NAV1: variants seen among roughly 807,000 people sequenced by gnomAD.
The protein encoded by NAV1 is neuron navigator 1, also known as pore membrane and/or filament interacting like protein 3.
In NAV1, 18 loss-of-function variants were observed where a neutral mutation model predicts 175.2. The observed-to-expected ratio is 0.10, with a 90% confidence interval of 0.07 to 0.15. The LOEUF is 0.15. NAV1 is among the 10% of genes least tolerant of loss of function. The pLI is 1.00. For synonymous variants in NAV1, 897 were observed against 978.7 expected (o/e 0.92, Z 1.56); for missense variants, 1,731 against 2,436.6 (o/e 0.71, Z 6.10).
rs191474333 is a variant in NAV1, at chr1:201,589,793, G to T, written c.-33+1144G>T. Among the ~76,000 whole-genome samples the T allele has an allele frequency of 5.9e-5, 9 of 152,250 alleles. No individual in the cohort carries two copies. The East Asian group carries it at 1.7e-3, about 29-fold the overall frequency. On this transcript the variant is annotated intron_variant, in intron 2 of 33. Transcript: ENST00000685211. ...AGGCGTGAGCCACCGTGCCCGGCCT[G>T]TTATTTGTTATTGTCTGAGCACATA...
At chr1:201,767,191 C>G (rs1048622316) in intron 3 of NAV1, among the ~76,000 whole-genome samples, 4 of 151,812 alleles carry the variant, frequency 2.6e-5, no homozygotes, top group Admixed American at 1.3e-4. Flanking sequence ...TGGTGGCTCA[C>G]GCCTGTAATC....
intron 1 of NAV1, among the ~76,000 whole-genome samples, chr1:201,569,254 C>G (rs992794395): frequency 2.6e-5 from 4 of 152,294 alleles, no homozygotes; most frequent in Middle Eastern, 3.4e-3. Context: ...CAGCTTCACT[C>G]CAGTGCAAGT....
At chr1:201,624,661 A>T (rs60007040) in intron 1 of NAV1, among the ~76,000 whole-genome samples, 22,842 of 151,802 alleles carry the variant, frequency 0.15, 3,102 homozygotes, top group African/African-American at 0.36. Flanking sequence ...TGCTTTTTTT[A>T]AAAAATAAAA....
At chr1:201,544,310 A>T (rs1217816167) in intron 1 of NAV1, among the ~76,000 whole-genome samples, 3 of 152,240 alleles carry the variant, frequency 2.0e-5, no homozygotes, top group Non-Finnish European at 4.4e-5. Flanking sequence ...GACTGGTCAC[A>T]GCTTTCAATG....
At position 201,812,360 on chromosome 1, in the gene NAV1, G is replaced by A. The variant is rs1188431225; in HGVS notation, c.5025-105G>A. On this transcript the variant is annotated intron_variant, in intron 26 of 29. Transcript: ENST00000367296. The surrounding 1 kb of genome is among the most constrained non-coding windows in gnomAD (Gnocchi z 4.6). ...TATTACTTGAAAAGAAACCAAGTAG[G>A]CATTAGTGAGAAGCAGGCAGAAGGA... is the stretch of plus-strand genomic sequence containing the variant. The A allele has an allele frequency of 3.6e-6, 4 of 1,115,868 alleles. No homozygotes were observed. The Admixed American group carries it at 7.7e-5, about 21-fold the overall frequency. 69.1% of individuals were successfully genotyped at this position (1,115,868 alleles called of 1,614,324 possible).
intron 2 of NAV1, among the ~76,000 whole-genome samples, chr1:201,617,661 G>A (rs572123271): frequency 6.6e-6 from 1 of 152,286 alleles, no homozygotes; most frequent in Non-Finnish European, 1.5e-5. Flanking sequence ...CTGGGAGATT[G>A]AGTCTGCAGT....
At chr1:201,714,237 T>C (rs1672039119) in intron 2 of NAV1, among the ~76,000 whole-genome samples, 1 of 152,162 alleles carries the variant, frequency 6.6e-6, no homozygotes, top group Non-Finnish European at 1.5e-5. Flanking sequence ...GTCACCCCGG[T>C]GCATTGTGGG....
chr1:201,623,669 C>T (rs1490202771), intron 1 of NAV1, 63 bp downstream of exon 3: 11 of 985,924 alleles, frequency 1.1e-5, no homozygotes, highest in African/African-American at 5.2e-5. Flanking sequence ...AGGGGCAAGC[C>T]GGAAGAGGAC....
chr1:201,557,578 T>C (rs1666066136), intron 1 of NAV1, among the ~76,000 whole-genome samples: 1 of 152,102 alleles, frequency 6.6e-6, no homozygotes, highest in African/African-American at 2.4e-5. Context: ...ACCTCCAAAT[T>C]AGCACCGTCC....
At position 201,718,127 on chromosome 1, in the gene NAV1, T is replaced by C. The variant is rs1285067451; in HGVS notation, c.861-263T>C. Reference sequence around the variant, plus strand: ...CAAAAAAGAATTCAAACCTAGGTCATATTACACAATCTAGGGTCTTAACAG... The same window carrying C: ...CAAAAAAGAATTCAAACCTAGGTCACATTACACAATCTAGGGTCTTAACAG... On this transcript the variant is annotated intron_variant, in intron 2 of 29. Transcript: ENST00000367296. This position sits in a 1 kb window ranked among gnomAD's most constrained non-coding sequence, Gnocchi z 4.8. Among the ~76,000 whole-genome samples, 1 of 152,244 alleles carries C rather than the reference T, an allele frequency of 6.6e-6. No homozygotes were observed. The highest frequency in any genetic ancestry group is 1.5e-5 in the Non-Finnish European group (1 of 68,042).
At chr1:201,678,218 G>A (rs1375749217) in intron 1 of NAV1, among the ~76,000 whole-genome samples, 1 of 152,238 alleles carries the variant, frequency 6.6e-6, no homozygotes, top group Non-Finnish European at 1.5e-5. Flanking sequence ...TGACTTGGCA[G>A]TGAGTTTGTG....
rs115046878 is a variant in NAV1 at position 201,742,455 on chromosome 1, A to G, written c.1226+23700A>G. On this transcript the variant is annotated intron_variant, in intron 3 of 29. Coordinates refer to ENST00000367296, the Ensembl canonical transcript of NAV1. Reference sequence around the variant, plus strand: ...TTCTCTGGATGCCTGGGATTCTTCCATCTATCATGGAAGCCTGTGCCCACA... The same window carrying G: ...TTCTCTGGATGCCTGGGATTCTTCCGTCTATCATGGAAGCCTGTGCCCACA... Among the ~76,000 whole-genome samples, 887 of 152,256 alleles carry G rather than the reference A, an allele frequency of 5.8e-3. 7 individuals carry two copies. The highest frequency in any genetic ancestry group is 9.8e-3 in the Non-Finnish European group (668 of 68,018).
chr1:201,563,347 G>A (rs545768965), intron 1 of NAV1, among the ~76,000 whole-genome samples: 13 of 152,220 alleles, frequency 8.5e-5, no homozygotes, highest in African/African-American at 2.9e-4. Context: ...GACCCAACAC[G>A]ATTTTTTTTC....
At chr1:201,625,878 C>T (rs1256036993) in intron 1 of NAV1, among the ~76,000 whole-genome samples, 2 of 152,238 alleles carry the variant, frequency 1.3e-5, no homozygotes, top group Non-Finnish European at 2.9e-5. Flanking sequence ...GCAGCTTAAA[C>T]AGAACCATGT....
chr1:201,743,607 A>G (rs1435893024), intron 3 of NAV1, among the ~76,000 whole-genome samples: 4 of 152,242 alleles, frequency 2.6e-5, no homozygotes, highest in Non-Finnish European at 4.4e-5. Context: ...GACCACGTGA[A>G]GTCATTCCCA....
intron 2 of NAV1, among the ~76,000 whole-genome samples, chr1:201,643,114 T>C (rs1026290994): frequency 4.7e-5 from 7 of 148,080 alleles, no homozygotes; most frequent in Non-Finnish European, 7.4e-5. Flanking sequence ...TTTCTTTCTT[T>C]CTTCCTTCCT....
At chr1:201,780,392 G>A (rs529581) in intron 3 of NAV1, 29 bp from the exon 8 acceptor site, 13 of 1,612,738 alleles carry the variant, frequency 8.1e-6, no homozygotes, top group South Asian at 3.3e-5. Context: ...CTGTTTTAAC[G>A]ATTGACCTTC....
Position 201,819,826 on chromosome 1 carries a change from C to G in NAV1, c.5539-11C>G. ...CAACTCTCATAAATCCATCTTTTTG[C>G]CCCCCTTTAGATGGCCATGCTGCTG... On this transcript the variant is annotated splice_polypyrimidine_tract_variant and intron_variant, in intron 29 of 29. Transcript: ENST00000367296. 6.2e-7 allele frequency: 1 copy of G among 1,612,656 alleles called. No homozygotes were observed. The highest frequency in any genetic ancestry group is 1.1e-5 in the South Asian group (1 of 91,052).
chr1:201,755,950 C>CA (rs1158906682), intron 3 of NAV1, among the ~76,000 whole-genome samples: 1 of 151,510 alleles, frequency 6.6e-6, no homozygotes, highest in Non-Finnish European at 1.5e-5. Context: ...ACTAAAAATA[C>CA]AAAAAAATTA....
Sources: allele counts gnomAD v4.1 joint callset (sites outside exome capture counted in the v4.1 genomes callset), GRCh38; gene constraint gnomAD v4.1.1; non-coding constraint Gnocchi (gnomAD v3.1); transcripts MANE v1.5; gene names NCBI Gene and HGNC (gene_info 2026-07-23, HGNC 2026-07-21).